The following ZNF334 variants were observed in gnomAD, a reference collection of about 807,000 sequenced individuals.
The protein encoded by ZNF334 is zinc finger protein 334.
In ZNF334, 14 loss-of-function variants were observed where a neutral mutation model predicts 12.4. The observed-to-expected ratio is 1.13, with a 90% CI of 0.74 to 1.76. The LOEUF is 1.76. ZNF334 is among the 40% of genes most tolerant of loss of function. ZNF334 has a pLI of 0.00. For missense variants in ZNF334, 797 were observed against 804.5 expected, an observed-to-expected ratio of 0.99 and a Z score of 0.11; for synonymous variants, 273 against 269.6, an observed-to-expected ratio of 1.01 and a Z score of -0.12.
intron 2 of ZNF334, chr20:46,506,400 C>T: frequency 2.0e-6 from 1 of 497,684 alleles, no homozygotes; most frequent in Admixed American, 3.6e-5. Context: ...TTGAGGTAGG[C>T]TGATCGCTGG....
At chr20:46,476,983 G>A in the ZNF334 span, 1 of 152,172 alleles carries the variant, frequency 6.6e-6, no homozygotes, top group African/African-American at 2.4e-5. Context: ...ATACACCGAT[G>A]GGATTTCAAG....
At chr20:46,463,459 T>A in the ZNF334 span, among the ~76,000 whole-genome samples, 2 of 152,284 alleles carry the variant, frequency 1.3e-5, no homozygotes, top group Middle Eastern at 3.4e-3. Context: ...AGGATCCACA[T>A]CCTGTGTTGG....
chr20:46,464,034 A>C, the ZNF334 span: 1 of 635,420 alleles, frequency 1.6e-6, no homozygotes, highest in Admixed American at 1.8e-5. Context: ...CCTCTTCTTC[A>C]TTGTTGTCAA....
chr20:46,501,246 G>GT lies in ZNF334; in HGVS notation c.*49dup, dbSNP rs773256046. On this transcript the variant is annotated 3_prime_UTR_variant, in exon 5 of 5. Transcript: ENST00000692313. The stretch of plus-strand genomic sequence containing the variant: ...ATACATACTCACAGTTTAGCATTGT[G>GT]TAAGTTATTTGATTTGTTGCTTTGT... 75 of 1,570,816 alleles carry GT rather than the reference G, an allele frequency of 4.8e-5. No individual in the cohort carries two copies. Among genetic ancestry groups the GT allele is most frequent in the Non-Finnish European group, 6.4e-5 (74 of 1,159,974 alleles).
chr20:46,479,289 C>T, the ZNF334 span, among the ~76,000 whole-genome samples: 1 of 152,050 alleles, frequency 6.6e-6, no homozygotes, highest in African/African-American at 2.4e-5. Context: ...TCAGACCCAC[C>T]CGGATAATCC....
rs762035866 is a variant in ZNF334 at position 46,502,537 on chromosome 20, T to C, written c.802A>G (p.Ser268Gly). 3 of 1,613,556 alleles carry C rather than the reference T, an allele frequency of 1.9e-6. No individual in the cohort carries two copies. The highest frequency in any genetic ancestry group is 2.7e-5 in the African/African-American group (2 of 74,932). The change falls in exon 5 of 5, where the codon AGT (serine) becomes GGT (glycine). Residue 268 changes from serine (S) to glycine (G), a missense_variant. Transcript: ENST00000692313. ...ACACGAAAAGTTTTCCTACAATCAC[T>C]ACAAACATACGGTTTCTCCCCTGTA... is the stretch of plus-strand genomic sequence containing the variant. ...IHTGEKPYVC[S>G]DCRKTFRVKT...
At chr20:46,471,170 G>A in the ZNF334 span, among the ~76,000 whole-genome samples, 2 of 152,292 alleles carry the variant, frequency 1.3e-5, no homozygotes, top group East Asian at 1.9e-4. Context: ...AGGTGGTTGT[G>A]TGGTACTATG....
Position 46,502,442 on chromosome 20 carries a change from C to T in ZNF334, c.897G>A (p.Arg299=), listed in dbSNP as rs749590433. The change falls in exon 5 of 5, where the codon AGG becomes AGA. Residue 299 remains arginine, a synonymous_variant. Transcript: ENST00000692313. ...GERPYECSEC[R]KTFIDKSALI... Reference sequence around the variant, plus strand: ...GGGCAGATTTGTCAATGAAGGTTTTCCTGCATTCACTGCATTCATAGGGTC... The same window carrying T: ...GGGCAGATTTGTCAATGAAGGTTTTTCTGCATTCACTGCATTCATAGGGTC... The T allele has an allele frequency of 1.9e-6, 3 of 1,614,030 alleles. No homozygotes were observed. Among genetic ancestry groups the T allele is most frequent in the African/African-American group, 2.7e-5 (2 of 75,010 alleles).
the ZNF334 span, among the ~76,000 whole-genome samples, chr20:46,476,807 T>C: frequency 2.0e-5 from 3 of 152,154 alleles, no homozygotes; most frequent in Non-Finnish European, 2.9e-5. Context: ...TGCCTTTCCA[T>C]AAGTTATAAT....
chr20:46,470,294 C>T, the ZNF334 span, among the ~76,000 whole-genome samples: 1 of 152,318 alleles, frequency 6.6e-6, no homozygotes, highest in South Asian at 2.1e-4. Flanking sequence ...TTTCCTCCTC[C>T]TACTTTGCCT....
chr20:46,504,669 C>A lies in ZNF334; in HGVS notation c.93G>T (p.Gln31His), dbSNP rs1419030589. 5 of 1,612,512 alleles carry A rather than the reference C, an allele frequency of 3.1e-6. No homozygotes were observed. The highest frequency in any genetic ancestry group is 3.3e-5 in the Admixed American group (2 of 59,796). The change falls in exon 3 of 5, where the codon CAG becomes CAT. Residue 31 changes from glutamine (Q) to histidine (H), a missense_variant. Physicochemically the swap from Gln to His is conservative, Grantham distance 24 (BLOSUM62 0). Transcript: ENST00000692313. ...GCATCACATCCCTGTACAGGAGCCT[C>A]TGAGCAGGGTCCAGTTGCTGCCATT... ...QEEWQQLDPA[Q>H]RLLYRDVMLE...
chr20:46,489,213 T>C, the ZNF334 span, among the ~76,000 whole-genome samples: 1 of 152,148 alleles, frequency 6.6e-6, no homozygotes, highest in Non-Finnish European at 1.5e-5. Flanking sequence ...ACATTTTTAA[T>C]AGGACTCACA....
chr20:46,501,301 C>T lies in ZNF334; in HGVS notation c.2038G>A (p.Glu680Lys), dbSNP rs775385952. Residue 680 changes from glutamate to lysine, a missense_variant, in exon 5 of 5, where the codon GAA (glutamate) becomes AAA (lysine). Physicochemically the swap from Glu to Lys is moderately conservative, Grantham distance 56. Transcript: ENST00000692313. ...NFLLHQKSHKE is the reference protein window; with the variant it reads ...NFLLHQKSHKK ...ATTTATTACTTTGTTGGAACTTATTCCTTGTGGGATTTCTGATGTAAAAGA... is the reference window on the plus strand; with the variant it reads ...ATTTATTACTTTGTTGGAACTTATTTCTTGTGGGATTTCTGATGTAAAAGA... 6.2e-7 allele frequency: 1 copy of T among 1,608,854 alleles called. No homozygotes were observed. The highest frequency in any genetic ancestry group is 1.1e-5 in the South Asian group (1 of 90,296).
intron 2 of ZNF334, among the ~76,000 whole-genome samples, chr20:46,511,192 G>C (rs1448258708): frequency 6.7e-6 from 1 of 148,672 alleles, no homozygotes; most frequent in Non-Finnish European, 1.5e-5. Context: ...AGGAGTTCGA[G>C]ACCAGCCTGG....
At chr20:46,472,826 G>A in the ZNF334 span, among the ~76,000 whole-genome samples, 1 of 152,356 alleles carries the variant, frequency 6.6e-6, no homozygotes, top group Non-Finnish European at 1.5e-5. Context: ...GTAGAAGCAG[G>A]AATCCAGATG....
In ZNF334 at chr20:46,501,777, TC is replaced by T; in HGVS notation, c.1561del (p.Glu521AsnfsTer39). The T allele has an allele frequency of 6.2e-7, 1 of 1,614,204 alleles. No homozygotes were observed. The highest frequency in any genetic ancestry group is 8.5e-7 in the Non-Finnish European group (1 of 1,180,022). ...GTTTTTGCTGACGGCATGCCCATGT[TC>T]ACTACACTCATAAAGATTCTCCTTT... ...NTKENLYECS[E>X]HGHAVSKNSH... is the part of the protein sequence containing the mutation. On this transcript the variant is annotated frameshift_variant, in exon 5 of 5. Transcript: ENST00000692313. LOFTEE classifies it low-confidence loss of function (END_TRUNC).
chr20:46,475,270 A>T, the ZNF334 span, among the ~76,000 whole-genome samples: 1 of 152,210 alleles, frequency 6.6e-6, no homozygotes, highest in Non-Finnish European at 1.5e-5. Context: ...GACATAAAAA[A>T]CCAAACCTTG....
At chr20:46,473,226 G>A in the ZNF334 span, among the ~76,000 whole-genome samples, 1 of 152,020 alleles carries the variant, frequency 6.6e-6, no homozygotes, top group Non-Finnish European at 1.5e-5. Flanking sequence ...GGCTACCCTC[G>A]TATTCCAATA....
chr20:46,498,626 T>A (rs1441126347), downstream of ZNF334, among the ~76,000 whole-genome samples: 1 of 152,232 alleles, frequency 6.6e-6, no homozygotes, highest in Non-Finnish European at 1.5e-5. Flanking sequence ...CTGTTTTAAG[T>A]TGCTAATTTT....
Sources: gnomAD v4.1 joint callset for allele counts (sites outside exome capture counted in the v4.1 genomes callset) on GRCh38, gnomAD v4.1.1 for gene constraint, MANE v1.5 for transcripts, NCBI Gene and HGNC (gene_info 2026-07-23, HGNC 2026-07-21) for gene names.